MUSK: variants seen among roughly 807,000 people sequenced by gnomAD.
MUSK encodes muscle, skeletal receptor tyrosine-protein kinase.
MUSK carries 55 observed loss-of-function variants against 88.7 expected under a neutral mutation model. That is an observed-to-expected ratio of 0.62 (90% CI 0.50 to 0.78). MUSK has a LOEUF of 0.78. Ranked by LOEUF, MUSK falls within the 30% of genes least tolerant of loss-of-function variation. MUSK has a pLI of 0.00. For missense variants in MUSK, 1,015 were observed against 1,074.3 expected, an observed-to-expected ratio of 0.94 and a Z score of 0.77; for synonymous variants, 387 against 391.9, an observed-to-expected ratio of 0.99 and a Z score of 0.15.
At chr9:110,770,931 T>C (rs928179942) in intron 9 of MUSK, among the ~76,000 whole-genome samples, 1 of 152,054 alleles carries the variant, frequency 6.6e-6, no homozygotes, top group African/African-American at 2.4e-5. Flanking sequence ...TTTGTACATT[T>C]TAGAGTTGAA....
At chr9:110,799,470 A>C (rs2078059243) in intron 14 of MUSK, among the ~76,000 whole-genome samples, 2 of 152,224 alleles carry the variant, frequency 1.3e-5, no homozygotes, top group Non-Finnish European at 2.9e-5. Flanking sequence ...TACTGCAGCA[A>C]CTTAAATACT....
At chr9:110,739,595 G>A (rs1219377711) in intron 6 of MUSK, among the ~76,000 whole-genome samples, 1 of 152,100 alleles carries the variant, frequency 6.6e-6, no homozygotes, top group Non-Finnish European at 1.5e-5. Context: ...TATTACACAG[G>A]ATATTCCAAG....
At chr9:110,762,577 T>A (rs988236536) in intron 8 of MUSK, among the ~76,000 whole-genome samples, 1 of 151,514 alleles carries the variant, frequency 6.6e-6, no homozygotes, top group African/African-American at 2.4e-5. Flanking sequence ...AAAAAAAAAA[T>A]AAAAAAACCT....
At chr9:110,734,165 A>G in intron 5 of MUSK, 86 bp from the exon 6 acceptor site, 1 of 1,424,194 alleles carries the variant, frequency 7.0e-7, no homozygotes, top group Non-Finnish European at 9.6e-7. Context: ...ACAGGGGAAC[A>G]TGGTCTAATT....
intron 5 of MUSK, among the ~76,000 whole-genome samples, chr9:110,732,121 G>T (rs751104639): frequency 5.9e-5 from 9 of 152,088 alleles, no homozygotes; most frequent in Non-Finnish European, 1.0e-4. Context: ...TATAGTCAAT[G>T]TTACTAGAAC....
chr9:110,728,256 G>C (rs2076914096), intron 5 of MUSK: 1 of 164,836 alleles, frequency 6.1e-6, no homozygotes, highest in African/African-American at 2.4e-5. Context: ...TGATAGCTGA[G>C]ATCCCAGATT....
intron 5 of MUSK, among the ~76,000 whole-genome samples, chr9:110,710,647 A>T (rs555714118): frequency 2.6e-5 from 4 of 152,264 alleles, no homozygotes; most frequent in African/African-American, 9.6e-5. Context: ...GTGACAAGTG[A>T]TAAAGGGAAG....
intron 8 of MUSK, among the ~76,000 whole-genome samples, chr9:110,764,603 T>TTAGATAGATAGATAGA (rs57464436): frequency 2.7e-5 from 4 of 149,118 alleles, no homozygotes; most frequent in Non-Finnish European, 3.0e-5. Flanking sequence ...GATAGATAGA[T>TTAGATAGATAGATAGA]TAGATAGATA....
At chr9:110,694,627 G>C (rs2076408324) in intron 3 of MUSK, among the ~76,000 whole-genome samples, 2 of 152,134 alleles carry the variant, frequency 1.3e-5, no homozygotes, top group African/African-American at 2.4e-5. Context: ...GTCCCCCTCT[G>C]TATCTGTAAC....
intron 6 of MUSK, among the ~76,000 whole-genome samples, chr9:110,747,291 G>T (rs2077185318): frequency 6.6e-6 from 1 of 152,200 alleles, no homozygotes; most frequent in African/African-American, 2.4e-5. Context: ...GGCCAGGTGT[G>T]TTTCATCTTC....
At chr9:110,710,156 C>G (rs1192256032) in intron 5 of MUSK, among the ~76,000 whole-genome samples, 1 of 152,138 alleles carries the variant, frequency 6.6e-6, no homozygotes, top group East Asian at 1.9e-4. Flanking sequence ...TATTCCGATT[C>G]TTTCCTCTTT....
intron 5 of MUSK, among the ~76,000 whole-genome samples, chr9:110,722,649 A>G (rs1414772023): frequency 6.6e-6 from 1 of 152,118 alleles, no homozygotes; most frequent in Non-Finnish European, 1.5e-5. Flanking sequence ...CAAATAATGG[A>G]TCTGACCAAG....
chr9:110,692,528 C>A (rs2076370462), intron 3 of MUSK, among the ~76,000 whole-genome samples: 1 of 151,928 alleles, frequency 6.6e-6, no homozygotes, highest in African/African-American at 2.4e-5. Flanking sequence ...TACATTTTCT[C>A]TATTTTTTTT....
intron 8 of MUSK, among the ~76,000 whole-genome samples, chr9:110,765,723 G>A (rs2077471321): frequency 6.6e-6 from 1 of 151,752 alleles, no homozygotes; most frequent in Non-Finnish European, 1.5e-5. Flanking sequence ...ACAGATGTCC[G>A]CCACCACGCC....
intron 5 of MUSK, among the ~76,000 whole-genome samples, chr9:110,715,335 C>T (rs1371756839): frequency 3.3e-5 from 5 of 149,526 alleles, no homozygotes; most frequent in Admixed American, 2.6e-4. Flanking sequence ...TTAATAACTA[C>T]GTTTTCTGGA....
intron 5 of MUSK, among the ~76,000 whole-genome samples, chr9:110,709,773 T>C (rs1403574452): frequency 6.6e-6 from 1 of 152,162 alleles, no homozygotes; most frequent in Non-Finnish European, 1.5e-5. Context: ...ATTTTGGTTC[T>C]AGCAAAAGAA....
chr9:110,739,711 C>G (rs1353257757), intron 6 of MUSK, among the ~76,000 whole-genome samples: 4 of 152,086 alleles, frequency 2.6e-5, no homozygotes, highest in African/African-American at 9.7e-5. Context: ...TTTTACTGCA[C>G]AGCAGTAAAA....
At chr9:110,790,119 G>T (rs1236063293) in intron 14 of MUSK, among the ~76,000 whole-genome samples, 1 of 152,136 alleles carries the variant, frequency 6.6e-6, no homozygotes, top group African/African-American at 2.4e-5. Flanking sequence ...TGGTGTCCTG[G>T]ATGTCAAATG....
At chr9:110,785,453 T>C (rs1336434140) in intron 12 of MUSK, 74 bp from the exon 13 acceptor site, 2 of 1,254,180 alleles carry the variant, frequency 1.6e-6, no homozygotes, top group African/African-American at 1.5e-5. Context: ...CCATATTTCT[T>C]AGAATCTAAG....
Sources: allele counts gnomAD v4.1 joint callset (sites outside exome capture counted in the v4.1 genomes callset), GRCh38; gene constraint gnomAD v4.1.1; transcripts MANE v1.5; gene names NCBI Gene and HGNC (gene_info 2026-07-23, HGNC 2026-07-21).